Variants in EPB41L1 observed in about 807,000 individuals in gnomAD.
EPB41L1 encodes the protein band 4.1-like protein 1.
In EPB41L1, 29 loss-of-function variants were observed where a neutral mutation model predicts 97.8. The ratio of observed to expected loss-of-function variants is 0.30; its 90% CI spans 0.22 to 0.40. The LOEUF (loss-of-function observed/expected upper bound fraction) is 0.40. Among genes scored for constraint, EPB41L1 ranks in the 10% least tolerant of loss-of-function variants. EPB41L1 has a pLI of 1.00. For missense variants in EPB41L1, 812 were observed against 1,162.3 expected, an observed-to-expected ratio of 0.70 and a Z score of 4.38; for synonymous variants, 383 against 459.2, an observed-to-expected ratio of 0.83 and a Z score of 2.12.
chr20:36,229,842 T>A lies in EPB41L1; in HGVS notation c.*502T>A, dbSNP rs931534984. ...CCCACTTGAATGCAAAGGAAAACAC[T>A]TGCACAGCAAAGCAAGAGAAGTCAC... is the stretch of plus-strand genomic sequence containing the variant. On this transcript the variant is annotated 3_prime_UTR_variant, in exon 22 of 22. Transcript: ENST00000338074. The A allele has an allele frequency of 2.0e-5, 3 of 152,776 alleles. No homozygotes were observed. The highest frequency in any genetic ancestry group is 7.3e-5 in the African/African-American group (3 of 41,378). 9.5% of individuals were successfully genotyped at this position (152,776 alleles called of 1,614,324 possible).
Position 36,206,532 on chromosome 20 carries a change from G to C in EPB41L1, c.1669-2956G>C. 2.3e-6 allele frequency: 3 copies of C among 1,289,830 alleles called. No individual in the cohort carries two copies. The highest frequency in any genetic ancestry group is 3.0e-6 in the Non-Finnish European group (3 of 988,866). The allele number at this position is 1,289,830 out of a possible 1,614,324, so 79.9% of individuals were successfully genotyped here. A position where few individuals can be genotyped will look rare whatever the true frequency, so the allele number is the denominator to read the frequency against. ...AAGTCCTCCCTCCACCCCTGGAGGA[G>C]AGAAAAGGGCGCCTGGATGCCCCTC... On this transcript the variant is annotated intron_variant, in intron 14 of 21. Transcript: ENST00000338074. The surrounding 1 kb of genome is among the most constrained non-coding windows in gnomAD (Gnocchi z 5.5).
chr20:36,151,632 C>G (rs1363494954), upstream of EPB41L1: 1 of 152,246 alleles, frequency 6.6e-6, no homozygotes, highest in East Asian at 1.9e-4. Flanking sequence ...GTAATTGCAA[C>G]TGATGCCTAT....
chr20:36,131,448 T>C (rs2059206298), intron 2 of EPB41L1, among the ~76,000 whole-genome samples: 1 of 151,862 alleles, frequency 6.6e-6, no homozygotes, highest in South Asian at 2.1e-4. Flanking sequence ...GCCTGTTCCT[T>C]GTGTGTAGGG....
Position 36,207,091 on chromosome 20 carries a change from G to A in EPB41L1, c.1669-2397G>A. Reference sequence around the variant, plus strand: ...CATGGAGGTGATCATTCCCCTGCCAGCCTCCCCTGGTCATTCTGAGGACCT... The same window carrying A: ...CATGGAGGTGATCATTCCCCTGCCAACCTCCCCTGGTCATTCTGAGGACCT... On this transcript the variant is annotated intron_variant, in intron 14 of 21. Coordinates refer to ENST00000338074, the MANE Select transcript of EPB41L1 (RefSeq NM_012156.2). The surrounding 1 kb of genome is among the most constrained non-coding windows in gnomAD (Gnocchi z 4.9). 1 of 1,289,172 alleles carries A rather than the reference G, an allele frequency of 7.8e-7. No homozygotes were observed. The highest frequency in any genetic ancestry group is 1.0e-6 in the Non-Finnish European group (1 of 988,364). 79.9% of individuals were successfully genotyped at this position (1,289,172 alleles called of 1,614,324 possible).
At chr20:36,116,981 G>A (rs1201834737) in intron 2 of EPB41L1, among the ~76,000 whole-genome samples, 1 of 152,148 alleles carries the variant, frequency 6.6e-6, no homozygotes, top group Non-Finnish European at 1.5e-5. Flanking sequence ...TTGCAGATGA[G>A]GAACTTGAGG....
chr20:36,105,566 G>GC (rs1358732719), intron 1 of EPB41L1, among the ~76,000 whole-genome samples: 2 of 152,174 alleles, frequency 1.3e-5, no homozygotes, highest in African/African-American at 4.8e-5. Flanking sequence ...CACTGCCCTT[G>GC]ATTTCATGGA....
chr20:36,190,228 C>T lies in EPB41L1; in HGVS notation c.1027-49C>T, dbSNP rs777229573. The stretch of plus-strand genomic sequence containing the variant: ...AAAAACACAAAGAATGGGCTAGTGG[C>T]GAGAGTGAGCTCAGGCCCTGCCTCT... On this transcript the variant is annotated intron_variant, in intron 9 of 21. Coordinates refer to ENST00000338074, the MANE Select transcript of EPB41L1 (RefSeq NM_012156.2). The surrounding 1 kb of genome is among the most constrained non-coding windows in gnomAD (Gnocchi z 5.8). 3.6e-5 allele frequency: 52 copies of T among 1,429,272 alleles called. No homozygotes were observed. The highest frequency in any genetic ancestry group is 7.0e-5 in the African/African-American group (5 of 71,204). The allele number at this position is 1,429,272 out of a possible 1,614,324, so 88.5% of individuals were successfully genotyped here. A position where few individuals can be genotyped will look rare whatever the true frequency, so the allele number is the denominator to read the frequency against.
chr20:36,222,933 G>C (rs546102947), intron 21 of EPB41L1, among the ~76,000 whole-genome samples: 19 of 152,294 alleles, frequency 1.2e-4, no homozygotes, highest in African/African-American at 4.3e-4. Context: ...GTCTTGCTCT[G>C]TCACCCAGGC....
At chr20:36,222,136 A>C (rs1422960049) in intron 20 of EPB41L1, 142 bp from the exon 21 acceptor site, 1 of 963,334 alleles carries the variant, frequency 1.0e-6, no homozygotes, top group East Asian at 2.4e-5. Flanking sequence ...CCTGAGCTCT[A>C]GTCTCTCCCT....
intron 2 of EPB41L1, among the ~76,000 whole-genome samples, chr20:36,120,306 G>A (rs537517313): frequency 6.6e-6 from 1 of 152,336 alleles, no homozygotes; most frequent in Admixed American, 6.5e-5. Context: ...TATTGGTGAA[G>A]CTGGGATTCA....
intron 2 of EPB41L1, among the ~76,000 whole-genome samples, chr20:36,128,773 C>G (rs1285512152): frequency 6.6e-6 from 1 of 152,148 alleles, no homozygotes; most frequent in African/African-American, 2.4e-5. Flanking sequence ...CCTTCAGAGC[C>G]TGGTTTAGTT....
chr20:36,099,379 A>G (rs2057936301), intron 1 of EPB41L1, among the ~76,000 whole-genome samples: 1 of 152,184 alleles, frequency 6.6e-6, no homozygotes. Flanking sequence ...TTCCTCATCT[A>G]TCAAATGTGA....
chr20:36,110,277 C>T (rs1416810522), intron 1 of EPB41L1, among the ~76,000 whole-genome samples: 4 of 151,890 alleles, frequency 2.6e-5, no homozygotes, highest in Admixed American at 6.6e-5. Flanking sequence ...ATTCTGAAGT[C>T]GAAGAAACAG....
At chr20:36,164,571 T>C (rs555101011) in intron 1 of EPB41L1, among the ~76,000 whole-genome samples, 5 of 152,352 alleles carry the variant, frequency 3.3e-5, no homozygotes, top group Admixed American at 1.3e-4. Context: ...GTTCTCATGT[T>C]GTTTCACTGC....
intron 1 of EPB41L1, among the ~76,000 whole-genome samples, chr20:36,167,393 G>A (rs556103195): frequency 5.3e-5 from 8 of 152,162 alleles, no homozygotes; most frequent in Non-Finnish European, 8.8e-5. Context: ...TATTTTAATG[G>A]GAGGCCCTTG....
At chr20:36,125,730 G>A (rs528327835) in intron 2 of EPB41L1, among the ~76,000 whole-genome samples, 6 of 152,150 alleles carry the variant, frequency 3.9e-5, no homozygotes, top group East Asian at 1.9e-4. Flanking sequence ...TCTGGAGAGC[G>A]ATGAAGACAC....
chr20:36,122,458 G>C (rs1172127321), intron 2 of EPB41L1, among the ~76,000 whole-genome samples: 1 of 152,188 alleles, frequency 6.6e-6, no homozygotes, highest in Non-Finnish European at 1.5e-5. Flanking sequence ...TGTCCTTCCT[G>C]GTTCTTGGTG....
At chr20:36,094,552 C>G (rs1258857783) in intron 1 of EPB41L1, among the ~76,000 whole-genome samples, 1 of 152,134 alleles carries the variant, frequency 6.6e-6, no homozygotes, top group Non-Finnish European at 1.5e-5. Context: ...CGTCACATCC[C>G]CCTTTGCTGC....
chr20:36,151,270 G>C (rs749867771), upstream of EPB41L1: 1 of 152,196 alleles, frequency 6.6e-6, no homozygotes, highest in Admixed American at 6.5e-5. Context: ...AATTTCTCCT[G>C]CCTCCTAGAC....
Sources: allele counts gnomAD v4.1 joint callset (sites outside exome capture counted in the v4.1 genomes callset), GRCh38; gene constraint gnomAD v4.1.1; non-coding constraint Gnocchi (gnomAD v3.1); transcripts MANE v1.5; gene names NCBI Gene and HGNC (gene_info 2026-07-23, HGNC 2026-07-21).